Variants in NKAIN2 observed in about 807,000 individuals in gnomAD.
NKAIN2 encodes sodium/potassium transporting ATPase interacting 2.
NKAIN2 carries 14 observed loss-of-function variants against 32.6 expected under a neutral mutation model. The ratio of observed to expected loss-of-function variants is 0.43; its 90% CI spans 0.28 to 0.67. The LOEUF is 0.67. Among genes scored for constraint, NKAIN2 ranks in the 30% least tolerant of loss-of-function variants. The probability of loss-of-function intolerance (pLI) is 0.17; values close to 1 mark genes in which losing one functional copy is unlikely to be tolerated. For synonymous variants in NKAIN2, 80 were observed against 87.2 expected (o/e 0.92, Z 0.46); for missense variants, 198 against 258.3 (o/e 0.77, Z 1.60).
intron 1 of NKAIN2, among the ~76,000 whole-genome samples, chr6:124,233,435 C>T (rs1792567138): frequency 6.6e-6 from 1 of 152,132 alleles, no homozygotes; most frequent in Non-Finnish European, 1.5e-5. Flanking sequence ...CTATGGTGAG[C>T]CCTGATGGTG....
intron 1 of NKAIN2, among the ~76,000 whole-genome samples, chr6:124,044,265 T>A (rs1782016746): frequency 6.6e-6 from 1 of 152,010 alleles, no homozygotes; most frequent in African/African-American, 2.4e-5. Flanking sequence ...AAAACAAAGG[T>A]AATTTTCCAC....
chr6:124,298,991 T>C (rs539931431), intron 2 of NKAIN2, among the ~76,000 whole-genome samples: 2 of 152,254 alleles, frequency 1.3e-5, no homozygotes, highest in African/African-American at 4.8e-5. Context: ...ATTTAATGAC[T>C]AAGCATTTTA....
rs74870038 is a variant in NKAIN2 at position 124,757,403 on chromosome 6, T to C, written c.475-33936T>C. Among the ~76,000 whole-genome samples the C allele has an allele frequency of 9.9e-3, 1,505 of 152,230 alleles. 25 individuals carry two copies. The highest frequency in any genetic ancestry group is 0.035 in the African/African-American group (1,437 of 41,538). ...ATATTATTACTTACTGGATCCCTGT[T>C]CTCATTTTTTCCCAAATTTACTAGA... On this transcript the variant is annotated intron_variant, in intron 4 of 6. Transcript: ENST00000368417.
intron 1 of NKAIN2, among the ~76,000 whole-genome samples, chr6:124,179,361 C>T (rs1358940342): frequency 6.6e-6 from 1 of 152,096 alleles, no homozygotes; most frequent in African/African-American, 2.4e-5. Flanking sequence ...GAAGGATTTG[C>T]AATCAGAAGG....
chr6:124,759,387 G>T (rs1303038994), intron 4 of NKAIN2, among the ~76,000 whole-genome samples: 1 of 151,978 alleles, frequency 6.6e-6, no homozygotes, highest in Non-Finnish European at 1.5e-5. Flanking sequence ...ATTATTTTAA[G>T]TTAGTAAATA....
chr6:124,635,268 T>C (rs74520581), intron 3 of NKAIN2, among the ~76,000 whole-genome samples: 1 of 152,016 alleles, frequency 6.6e-6, no homozygotes, highest in African/African-American at 2.4e-5. Context: ...AAGGATAATA[T>C]CTATCATTAT....
Position 124,744,511 on chromosome 6 carries a change from A to AT in NKAIN2, c.475-46819dup, listed in dbSNP as rs535469312. Among the ~76,000 whole-genome samples, 178 of 150,628 alleles carry AT rather than the reference A, an allele frequency of 1.2e-3. 1 individual carries two copies. In the South Asian group the frequency reaches 0.027, roughly 23 times the overall value. On this transcript the variant is annotated intron_variant, in intron 4 of 6. Coordinates refer to ENST00000368417, the MANE Select transcript of NKAIN2 (RefSeq NM_001040214.3). ...ATAATAAGTAGGTCCGAATCTATTTATTTTTTTTTCAATTTTCCTTCAAAC... is the reference window on the plus strand; with the variant it reads ...ATAATAAGTAGGTCCGAATCTATTTATTTTTTTTTTCAATTTTCCTTCAAAC...
chr6:124,739,853 A>C lies in NKAIN2; in HGVS notation c.475-51486A>C, dbSNP rs78230984. On this transcript the variant is annotated intron_variant, in intron 4 of 6. Coordinates refer to ENST00000368417, the MANE Select transcript of NKAIN2 (RefSeq NM_001040214.3). ...ATTTATAGGGCATCTAAAGAAACTT[A>C]ATGATATCTGAATAGCTCCCTCACA... 2.5e-3 allele frequency among the ~76,000 whole-genome samples: 378 copies of C among 151,984 alleles called. 3 individuals carry two copies. Among genetic ancestry groups the C allele is most frequent in the African/African-American group, 8.7e-3 (362 of 41,522 alleles).
chr6:124,205,216 G>C (rs1790804193), intron 1 of NKAIN2, among the ~76,000 whole-genome samples: 2 of 151,796 alleles, frequency 1.3e-5, no homozygotes, highest in Non-Finnish European at 2.9e-5. Context: ...ATGAGACATG[G>C]ACAATTCCGT....
chr6:123,952,273 T>C (rs889726970), intron 1 of NKAIN2, among the ~76,000 whole-genome samples: 1 of 152,150 alleles, frequency 6.6e-6, no homozygotes, highest in Non-Finnish European at 1.5e-5. Context: ...GTTAGTCTGA[T>C]TGGGGTTTCT....
chr6:124,432,787 G>C (rs1361051634), intron 3 of NKAIN2, among the ~76,000 whole-genome samples: 5 of 152,076 alleles, frequency 3.3e-5, no homozygotes, highest in African/African-American at 9.7e-5. Flanking sequence ...CAGCTTCCCA[G>C]ATTTGGCTTC....
At chr6:124,426,364 T>A (rs1042449565) in intron 3 of NKAIN2, among the ~76,000 whole-genome samples, 1 of 152,128 alleles carries the variant, frequency 6.6e-6, no homozygotes, top group African/African-American at 2.4e-5. Flanking sequence ...CTTCTGTTCT[T>A]CAAAAGAAAC....
chr6:124,779,880 A>G (rs1779181701), intron 4 of NKAIN2, among the ~76,000 whole-genome samples: 1 of 152,214 alleles, frequency 6.6e-6, no homozygotes, highest in Non-Finnish European at 1.5e-5. Flanking sequence ...ATGTTGACCT[A>G]AAACACAATG....
intron 3 of NKAIN2, among the ~76,000 whole-genome samples, chr6:124,458,830 A>T (rs1188076999): frequency 6.6e-6 from 1 of 151,756 alleles, no homozygotes; most frequent in African/African-American, 2.4e-5. Context: ...TCCCCTGCCT[A>T]CTAGGAGCGT....
Position 124,283,089 on chromosome 6 carries a change from G to A in NKAIN2, c.139G>A (p.Val47Ile), listed in dbSNP as rs550760834. The change falls in exon 2 of 7, where the codon GTC (valine) becomes ATC (isoleucine). Residue 47 changes from valine (V) to isoleucine (I), a missense_variant. Physicochemically the swap from Val to Ile is conservative, Grantham distance 29 (BLOSUM62 3). Coordinates refer to ENST00000368417, the MANE Select transcript of NKAIN2 (RefSeq NM_001040214.3). ...GGCAAATTTTGTACATATTATTATC[G>A]TCATTCTTGGTTTGTTTGGAACTAT... ...ILANFVHIII[V>I]ILGLFGTIQY... is the part of the protein sequence containing the mutation. 6.8e-6 allele frequency: 11 copies of A among 1,609,128 alleles called. No homozygotes were observed. Among genetic ancestry groups the A allele is most frequent in the East Asian group, 4.5e-5 (2 of 44,804 alleles).
At chr6:123,913,509 T>G (rs1775328421) in intron 1 of NKAIN2, among the ~76,000 whole-genome samples, 1 of 152,178 alleles carries the variant, frequency 6.6e-6, no homozygotes, top group African/African-American at 2.4e-5. Flanking sequence ...CAGACCCTTC[T>G]TACTACAAAA....
chr6:124,635,575 C>T (rs1212012152), intron 3 of NKAIN2, among the ~76,000 whole-genome samples: 1 of 151,962 alleles, frequency 6.6e-6, no homozygotes, highest in African/African-American at 2.4e-5. Context: ...ACTGTAAAGA[C>T]ACACATAGAT....
chr6:124,529,644 G>A (rs563088826), intron 3 of NKAIN2, among the ~76,000 whole-genome samples: 17 of 152,282 alleles, frequency 1.1e-4, no homozygotes, highest in African/African-American at 3.6e-4. Flanking sequence ...CTGGCCCGAG[G>A]CTTAGGAGAA....
chr6:123,938,433 TATATATATATATATATATACAC>T (rs1776641252), intron 1 of NKAIN2, among the ~76,000 whole-genome samples: 6 of 51,608 alleles, frequency 1.2e-4, no homozygotes, highest in African/African-American at 4.6e-4. Flanking sequence ...TATATATATA[TATATATATATATATATATACAC>T]ACACACACAC....
Sources: gnomAD v4.1 joint callset for allele counts (sites outside exome capture counted in the v4.1 genomes callset) on GRCh38, gnomAD v4.1.1 for gene constraint, MANE v1.5 for transcripts, NCBI Gene and HGNC (gene_info 2026-07-23, HGNC 2026-07-21) for gene names.